The following HMGXB4 variants were observed in gnomAD, a reference collection of about 807,000 sequenced individuals.
HMGXB4 encodes the protein HMG-box containing 4, also known as HMG domain-containing protein 4.
Under a neutral mutation model 63.9 loss-of-function variants are expected in HMGXB4, and 27 were observed. The ratio of observed to expected loss-of-function variants is 0.42; its 90% CI spans 0.31 to 0.58. The LOEUF (loss-of-function observed/expected upper bound fraction) is 0.58, where lower values mean the gene tolerates loss of function less well. Ranked by LOEUF, HMGXB4 falls within the 20% of genes least tolerant of loss-of-function variation. HMGXB4 has a pLI of 0.13. For missense variants in HMGXB4, 624 were observed against 700.7 expected, an observed-to-expected ratio of 0.89 and a Z score of 1.24; for synonymous variants, 264 against 265.3, an observed-to-expected ratio of 0.99 and a Z score of 0.05.
At chr22:35,289,340 T>G (rs1312195152) in intron 9 of HMGXB4, among the ~76,000 whole-genome samples, 1 of 151,968 alleles carries the variant, frequency 6.6e-6, no homozygotes, top group African/African-American at 2.4e-5. Context: ...ACACCTGTAG[T>G]CCCAGCTACT....
chr22:35,287,441 T>A lies in HMGXB4; in HGVS notation c.1457T>A (p.Met486Lys). 6.2e-7 allele frequency: 1 copy of A among 1,612,056 alleles called. No individual in the cohort carries two copies. The highest frequency in any genetic ancestry group is 8.5e-7 in the Non-Finnish European group (1 of 1,178,500). The stretch of plus-strand genomic sequence containing the variant: ...AAAGCATCCAGCTCAGAAGGTTCCA[T>A]GAAAGTCAAAGGTAGTGACCACATC... The part of the protein sequence containing the change: ...KRKASSSEGS[M>K]KVKASSVGVL... The change falls in exon 8 of 11, where the codon ATG becomes AAG. Residue 486 changes from methionine (M) to lysine (K), a missense_variant. By Grantham distance (95) the Met-to-Lys change is moderately conservative (BLOSUM62 -1). Coordinates refer to ENST00000216106, the MANE Select transcript of HMGXB4 (RefSeq NM_001003681.3).
intron 1 of HMGXB4, among the ~76,000 whole-genome samples, chr22:35,260,582 G>A (rs146729208): frequency 3.0e-4 from 46 of 152,234 alleles, no homozygotes; most frequent in Middle Eastern, 6.8e-3. Context: ...TGTCCCCTTC[G>A]TTTCCTATGA....
At chr22:35,267,239 A>G (rs184221893) in intron 5 of HMGXB4, among the ~76,000 whole-genome samples, 1 of 151,446 alleles carries the variant, frequency 6.6e-6, no homozygotes, top group East Asian at 1.9e-4. Flanking sequence ...CCTCTGAGCC[A>G]GGAATCAGTG....
At chr22:35,256,658 C>T (rs896925555), upstream of HMGXB4, among the ~76,000 whole-genome samples, 1 of 152,144 alleles carries the variant, frequency 6.6e-6, no homozygotes, top group African/African-American at 2.4e-5. Flanking sequence ...CGCCACCACG[C>T]CTGGCTAATT....
chr22:35,292,863 T>C (rs770363575), intron 9 of HMGXB4, 129 bp from the exon 10 acceptor site: 2 of 1,075,488 alleles, frequency 1.9e-6, no homozygotes, highest in South Asian at 1.6e-5. Flanking sequence ...AAGTAAACTT[T>C]CCATTTCTGC....
At chr22:35,268,141 G>A (rs1328499541) in intron 5 of HMGXB4, among the ~76,000 whole-genome samples, 2 of 152,182 alleles carry the variant, frequency 1.3e-5, no homozygotes, top group East Asian at 3.9e-4. Flanking sequence ...AGTATGTGAT[G>A]AGTTTTGATA....
At chr22:35,279,770 T>C (rs187955079) in intron 5 of HMGXB4, among the ~76,000 whole-genome samples, 1 of 151,462 alleles carries the variant, frequency 6.6e-6, no homozygotes, top group Non-Finnish European at 1.5e-5. Context: ...GTATTGTCCT[T>C]GCTCCTTTGT....
intron 5 of HMGXB4, among the ~76,000 whole-genome samples, chr22:35,277,825 A>C (rs745827910): frequency 1.2e-4 from 19 of 152,128 alleles, no homozygotes; most frequent in Non-Finnish European, 2.5e-4. Flanking sequence ...AGACTAGTAC[A>C]TTTGTTACAA....
upstream of HMGXB4, among the ~76,000 whole-genome samples, chr22:35,257,064 C>A (rs1431281511): frequency 6.6e-6 from 1 of 152,236 alleles, no homozygotes; most frequent in Non-Finnish European, 1.5e-5. Flanking sequence ...AATAAGCACA[C>A]TGCTATTAAT....
At chr22:35,255,461 G>A (rs977262245), upstream of HMGXB4, among the ~76,000 whole-genome samples, 1 of 152,242 alleles carries the variant, frequency 6.6e-6, no homozygotes, top group Non-Finnish European at 1.5e-5. Context: ...GCTGCAGTGA[G>A]CTGTGATCGT....
rs1200218316 is a variant in HMGXB4 at position 35,284,001 on chromosome 22, A to G, written c.1255A>G (p.Lys419Glu). 1 of 1,614,010 alleles carries G rather than the reference A, an allele frequency of 6.2e-7. No homozygotes were observed. Among genetic ancestry groups the G allele is most frequent in the Non-Finnish European group, 8.5e-7 (1 of 1,179,958 alleles). Residue 419 changes from lysine to glutamate, a missense_variant, in exon 6 of 11, where the codon AAA (lysine) becomes GAA (glutamate). Physicochemically the swap from Lys to Glu is moderately conservative, Grantham distance 56. Transcript: ENST00000216106. ...KNMSAYQVFCKEYRVTIVADH... is the reference protein window; with the variant it reads ...KNMSAYQVFCEEYRVTIVADH... ...CATGTCGGCCTACCAGGTGTTCTGT[A>G]AAGAGTATCGCGTGACCATTGTGGC... is the stretch of plus-strand genomic sequence containing the variant.
At chr22:35,246,447 ATTTT>A in the HMGXB4 span, among the ~76,000 whole-genome samples, 5 of 151,522 alleles carry the variant, frequency 3.3e-5, no homozygotes, top group Non-Finnish European at 5.9e-5. Flanking sequence ...AATTTTTTGT[ATTTT>A]TTTAGTAGAG....
At chr22:35,281,266 CTG>C (rs1924227141) in intron 5 of HMGXB4, among the ~76,000 whole-genome samples, 1 of 152,160 alleles carries the variant, frequency 6.6e-6, no homozygotes, top group Admixed American at 6.5e-5. Flanking sequence ...GGTCTTTAAA[CTG>C]TAAATTTCAT....
chr22:35,276,590 A>G (rs1923928119), intron 5 of HMGXB4, among the ~76,000 whole-genome samples: 1 of 152,150 alleles, frequency 6.6e-6, no homozygotes, highest in Middle Eastern at 3.2e-3. Context: ...CTCATGGGCG[A>G]GGGTGTGTAT....
intron 5 of HMGXB4, among the ~76,000 whole-genome samples, chr22:35,283,635 C>G (rs1924393415): frequency 6.6e-6 from 1 of 152,060 alleles, no homozygotes; most frequent in Admixed American, 6.6e-5. Context: ...ACTAAAAATA[C>G]AAAAATTACC....
chr22:35,287,462 A>G lies in HMGXB4; in HGVS notation c.1468+10A>G. ...TCCATGAAAGTCAAAGGTAGTGACC[A>G]CATCCCGCCCCTGCTTTTCTCTAAA... On this transcript the variant is annotated intron_variant, in intron 8 of 10. Coordinates refer to ENST00000216106, the MANE Select transcript of HMGXB4 (RefSeq NM_001003681.3). The G allele has an allele frequency of 1.3e-6, 2 of 1,581,324 alleles. No individual in the cohort carries two copies. The highest frequency in any genetic ancestry group is 1.7e-6 in the Non-Finnish European group (2 of 1,151,614).
intron 9 of HMGXB4, among the ~76,000 whole-genome samples, chr22:35,288,916 C>T (rs895632495): frequency 1.3e-5 from 2 of 151,894 alleles, no homozygotes; most frequent in Admixed American, 6.6e-5. Flanking sequence ...CTGAGGCAGG[C>T]GGATCACGAG....
Position 35,265,059 on chromosome 22 carries a change from CAAAG to C in HMGXB4, c.675_678del (p.Lys225AsnfsTer12). The C allele has an allele frequency of 6.2e-7, 1 of 1,613,962 alleles. No homozygotes were observed. Among genetic ancestry groups the C allele is most frequent in the Non-Finnish European group, 8.5e-7 (1 of 1,179,874 alleles). ...CAACAAGCGACTGTGAAAAAATCCT[CAAAG>C]AAATCAGCTCGGGATGAGCAGGGTG... On this transcript the variant is annotated frameshift_variant, in exon 5 of 11. Transcript: ENST00000216106. LOFTEE classifies it high-confidence loss of function.
Position 35,265,580 on chromosome 22 carries a change from A to G in HMGXB4, c.1192A>G (p.Lys398Glu), listed in dbSNP as rs767468760. ...AAAAAAGAAAAAAGAAGAGAAGGAC[A>G]AAGAGAGAGAGAGAGGAGAAAAGGT... is the stretch of plus-strand genomic sequence containing the variant. ...EKKKKKEEKD[K>E]ERERGEKPKK... Residue 398 changes from lysine (K) to glutamate (E), a missense_variant, in exon 5 of 11, where the codon AAA (lysine) becomes GAA (glutamate). By Grantham distance (56) the Lys-to-Glu change is moderately conservative. Transcript: ENST00000216106. The G allele has an allele frequency of 1.3e-6, 2 of 1,592,006 alleles. No individual in the cohort carries two copies. The highest frequency in any genetic ancestry group is 1.4e-5 in the African/African-American group (1 of 73,356).
Sources: gnomAD v4.1 joint callset for allele counts (sites outside exome capture counted in the v4.1 genomes callset) on GRCh38, gnomAD v4.1.1 for gene constraint, MANE v1.5 for transcripts, NCBI Gene and HGNC (gene_info 2026-07-23, HGNC 2026-07-21) for gene names.